Variants in CSMD1 observed in about 807,000 individuals in gnomAD.
CSMD1 encodes the protein CUB and sushi domain-containing protein 1.
CSMD1 carries 213 observed loss-of-function variants against 417.5 expected under a neutral mutation model. The observed-to-expected ratio is 0.51, with a 90% CI of 0.46 to 0.57. The LOEUF (loss-of-function observed/expected upper bound fraction) is 0.57. Among genes scored for constraint, CSMD1 ranks in the 20% least tolerant of loss-of-function variants. The pLI is 0.00. For synonymous variants in CSMD1, 2,862 were observed against 1,736.8 expected, an observed-to-expected ratio of 1.65 and a Z score of -16.11; for missense variants, 6,923 against 4,529.7, an observed-to-expected ratio of 1.53 and a Z score of -15.17.
At chr8:3,906,944 G>A (rs369170439) in intron 5 of CSMD1, among the ~76,000 whole-genome samples, 12 of 152,134 alleles carry the variant, frequency 7.9e-5, no homozygotes, top group African/African-American at 2.7e-4. Context: ...TCAGAGTACT[G>A]CTGGGTAATA....
At chr8:2,964,694 G>C (rs1803801691) in intron 59 of CSMD1, among the ~76,000 whole-genome samples, 1 of 152,120 alleles carries the variant, frequency 6.6e-6, no homozygotes, top group Admixed American at 6.5e-5. Context: ...CATTTATTTA[G>C]CGTCAGCTAT....
At chr8:4,469,856 C>T (rs1800421500) in intron 2 of CSMD1, among the ~76,000 whole-genome samples, 1 of 149,884 alleles carries the variant, frequency 6.7e-6, no homozygotes, top group East Asian at 2.0e-4. Context: ...CGTGATCTGG[C>T]CTTTGGTTTT....
chr8:4,231,457 G>C (rs1195100271), intron 3 of CSMD1, among the ~76,000 whole-genome samples: 5 of 151,982 alleles, frequency 3.3e-5, no homozygotes, highest in Non-Finnish European at 5.9e-5. Flanking sequence ...TCAGACATTA[G>C]ACAGTGAACT....
intron 2 of CSMD1, among the ~76,000 whole-genome samples, chr8:4,513,292 G>A (rs1353873439): frequency 1.3e-5 from 2 of 152,028 alleles, no homozygotes; most frequent in African/African-American, 4.8e-5. Context: ...CCTTAATTTG[G>A]CTGTGCACCT....
chr8:4,541,785 A>G (rs1003641653), intron 2 of CSMD1, among the ~76,000 whole-genome samples: 1 of 152,126 alleles, frequency 6.6e-6, no homozygotes, highest in African/African-American at 2.4e-5. Flanking sequence ...TTATATCACC[A>G]TGCTTGACCA....
chr8:3,872,577 T>G (rs994610527), intron 5 of CSMD1, among the ~76,000 whole-genome samples: 4 of 152,202 alleles, frequency 2.6e-5, no homozygotes, highest in Non-Finnish European at 4.4e-5. Flanking sequence ...CAGAATTGCT[T>G]GATAGAGTTC....
At chr8:3,517,340 G>A (rs756722922) in intron 10 of CSMD1, among the ~76,000 whole-genome samples, 1 of 152,190 alleles carries the variant, frequency 6.6e-6, no homozygotes, top group African/African-American at 2.4e-5. Flanking sequence ...TAAAATTTAA[G>A]GAAACAAGCA....
chr8:4,153,593 G>T (rs1191166867), intron 3 of CSMD1, among the ~76,000 whole-genome samples: 1 of 152,202 alleles, frequency 6.6e-6, no homozygotes, highest in Non-Finnish European at 1.5e-5. Context: ...GTCACAGGGT[G>T]CCCTGAGATG....
chr8:4,401,526 C>G (rs7006904), intron 3 of CSMD1, among the ~76,000 whole-genome samples: 2 of 151,854 alleles, frequency 1.3e-5, no homozygotes, highest in African/African-American at 4.8e-5. Flanking sequence ...AGCTTCTACC[C>G]TCCCAGCAGT....
intron 3 of CSMD1, among the ~76,000 whole-genome samples, chr8:4,056,717 G>A (rs1798712436): frequency 6.6e-6 from 1 of 151,692 alleles, no homozygotes; most frequent in Non-Finnish European, 1.5e-5. Flanking sequence ...CCTGGTGTGT[G>A]ATGTACCCCT....
intron 49 of CSMD1, among the ~76,000 whole-genome samples, chr8:3,077,000 C>T (rs1373846270): frequency 6.8e-6 from 1 of 147,004 alleles, no homozygotes; most frequent in East Asian, 2.0e-4. Flanking sequence ...CACCGTCCTT[C>T]CTTCCTCCCT....
At chr8:4,053,715 A>G (rs72624073) in intron 3 of CSMD1, among the ~76,000 whole-genome samples, 2 of 152,134 alleles carry the variant, frequency 1.3e-5, no homozygotes, top group Admixed American at 6.6e-5. Context: ...CAGTAGGAGG[A>G]AAATGCTCCA....
chr8:4,413,939 A>G (rs1417584383), intron 3 of CSMD1, among the ~76,000 whole-genome samples: 1 of 152,162 alleles, frequency 6.6e-6, no homozygotes, highest in African/African-American at 2.4e-5. Context: ...GAAATTTTGC[A>G]TTTGTTTCAA....
chr8:4,024,274 G>A (rs377423104), intron 4 of CSMD1, among the ~76,000 whole-genome samples: 5 of 152,020 alleles, frequency 3.3e-5, no homozygotes, highest in East Asian at 3.9e-4. Flanking sequence ...AGTTCACAAC[G>A]GATAAAGCAT....
At chr8:4,993,028 C>T (rs1392644527) in intron 1 of CSMD1, among the ~76,000 whole-genome samples, 1 of 152,208 alleles carries the variant, frequency 6.6e-6, no homozygotes, top group African/African-American at 2.4e-5. Context: ...CGTCTCTCCC[C>T]CGCTCTCCAG....
At chr8:3,333,981 A>G (rs1585014483) in intron 23 of CSMD1, among the ~76,000 whole-genome samples, 1 of 152,194 alleles carries the variant, frequency 6.6e-6, no homozygotes, top group East Asian at 1.9e-4. Flanking sequence ...AGGATTTCCA[A>G]AATCTAGTTC....
At chr8:4,573,664 G>A (rs892084369) in intron 2 of CSMD1, among the ~76,000 whole-genome samples, 3 of 152,108 alleles carry the variant, frequency 2.0e-5, no homozygotes, top group Non-Finnish European at 4.4e-5. Flanking sequence ...TAGGAGATCT[G>A]CTGCTGTCTT....
intron 2 of CSMD1, among the ~76,000 whole-genome samples, chr8:4,476,433 G>T (rs563228741): frequency 6.6e-6 from 1 of 152,076 alleles, no homozygotes; most frequent in Admixed American, 6.6e-5. Flanking sequence ...TTTAAATGTA[G>T]TCATATATAC....
chr8:3,704,728 C>G (rs192312536), intron 7 of CSMD1: 1 of 152,184 alleles, frequency 6.6e-6, no homozygotes, highest in Non-Finnish European at 1.5e-5. Context: ...CCTTAGACAA[C>G]CAGACCACTG....
Sources: allele counts gnomAD v4.1 joint callset (sites outside exome capture counted in the v4.1 genomes callset), GRCh38; gene constraint gnomAD v4.1.1; transcripts MANE v1.5; gene names NCBI Gene and HGNC (gene_info 2026-07-23, HGNC 2026-07-21).